The following RNF180 variants were observed in gnomAD, a reference collection of about 807,000 sequenced individuals.
RNF180 encodes the protein ring finger protein 180.
A neutral mutation model predicts 59.2 loss-of-function variants in RNF180; 38 were observed. The ratio of observed to expected loss-of-function variants is 0.64; its 90% CI spans 0.50 to 0.84. The LOEUF is 0.84. Among genes scored for constraint, RNF180 ranks in the 40% least tolerant of loss-of-function variants. The probability of loss-of-function intolerance (pLI) is 0.00; values close to 1 mark genes in which losing one functional copy is unlikely to be tolerated. For synonymous variants in RNF180, 262 were observed against 240.3 expected (o/e 1.09, Z -0.84); for missense variants, 705 against 700.9 (o/e 1.01, Z -0.07).
intron 2 of RNF180, 36 bp downstream of exon 2, chr5:64,200,978 T>G (rs1751711515): frequency 3.7e-5 from 59 of 1,594,296 alleles, no homozygotes; most frequent in Non-Finnish European, 4.8e-5. Context: ...AGTTTCCTGG[T>G]AGAGGAGTGC....
chr5:64,213,808 G>T lies in RNF180; in HGVS notation c.482G>T (p.Arg161Ile), dbSNP rs1752450341. 1.2e-6 allele frequency: 2 copies of T among 1,614,012 alleles called. No individual in the cohort carries two copies. Among genetic ancestry groups the T allele is most frequent in the Non-Finnish European group, 1.7e-6 (2 of 1,180,012 alleles). Residue 161 changes from arginine (R) to isoleucine (I), a missense_variant, in exon 4 of 8, where the codon AGA (arginine) becomes ATA (isoleucine). Arg to Ile is a moderately conservative substitution (Grantham distance 97). Transcript: ENST00000389100. ...ALLTGGGSEN[R>I]NHRLLNMARN... ...CTGACAGGTGGTGGCTCTGAAAACA[G>T]AAATCACAGGCTTTTAAACATGGCC...
chr5:64,263,306 T>A (rs181375263), intron 5 of RNF180, among the ~76,000 whole-genome samples: 2 of 152,318 alleles, frequency 1.3e-5, no homozygotes, highest in African/African-American at 2.4e-5. Flanking sequence ...AGCCCCAATT[T>A]GTAACACTTG....
At chr5:64,323,623 T>C (rs1334688673) in intron 5 of RNF180, among the ~76,000 whole-genome samples, 1 of 152,180 alleles carries the variant, frequency 6.6e-6, no homozygotes, top group Admixed American at 6.5e-5. Context: ...AAATGCTTGG[T>C]TTGAGAAAAA....
chr5:64,177,054 G>C (rs1430325725), intron 1 of RNF180, among the ~76,000 whole-genome samples: 1 of 152,146 alleles, frequency 6.6e-6, no homozygotes, highest in Non-Finnish European at 1.5e-5. Flanking sequence ...ATTTTGCTCA[G>C]ATCTCTGGTT....
chr5:64,335,844 A>G (rs78128134), intron 7 of RNF180, among the ~76,000 whole-genome samples: 3,894 of 152,240 alleles, frequency 0.026, 131 homozygotes, highest in African/African-American at 0.069. Flanking sequence ...AAATGTATAA[A>G]TCAATTTGGG....
chr5:64,227,604 C>T (rs1741847738), intron 5 of RNF180, among the ~76,000 whole-genome samples: 1 of 152,206 alleles, frequency 6.6e-6, no homozygotes, highest in African/African-American at 2.4e-5. Flanking sequence ...ACACCAAAGA[C>T]CAAACCCGAA....
chr5:64,180,654 C>T (rs1750521939), intron 1 of RNF180, among the ~76,000 whole-genome samples: 1 of 152,154 alleles, frequency 6.6e-6, no homozygotes, highest in East Asian at 1.9e-4. Flanking sequence ...ACCTGCATAC[C>T]CCACCCTTGC....
At chr5:64,325,471 GGTACTTTATAAATTA>G (rs1365038757) in intron 6 of RNF180, 60 bp downstream of exon 6, 24 of 1,195,734 alleles carry the variant, frequency 2.0e-5, no homozygotes, top group Non-Finnish European at 1.2e-5. Flanking sequence ...TAGTTCTAAA[GGTACTTTATAAATTA>G]AAAAGTTACT....
intron 5 of RNF180, among the ~76,000 whole-genome samples, chr5:64,243,578 GC>G (rs1355668162): frequency 6.6e-6 from 1 of 152,202 alleles, no homozygotes; most frequent in Non-Finnish European, 1.5e-5. Flanking sequence ...AAAGGCAGCA[GC>G]CCCAGTCATG....
rs1746658135 is a variant in RNF180, at chr5:64,371,499, G to A, written c.*1685G>A. ...TTTTAATTATGTATAAACTAAATAAGTATTATTATAGATACAGATCTCTCA... is the reference window on the plus strand; with the variant it reads ...TTTTAATTATGTATAAACTAAATAAATATTATTATAGATACAGATCTCTCA... On this transcript the variant is annotated 3_prime_UTR_variant, in exon 8 of 8. Transcript: ENST00000389100. 6.6e-6 allele frequency: 1 copy of A among 151,390 alleles called. No individual in the cohort carries two copies. The highest frequency in any genetic ancestry group is 2.4e-5 in the African/African-American group (1 of 41,336). The allele number at this position is 151,390 out of a possible 1,614,324, so 9.4% of individuals were successfully genotyped here. A position where few individuals can be genotyped will look rare whatever the true frequency, so the allele number is the denominator to read the frequency against.
At chr5:64,171,575 A>T (rs1038297125) in intron 1 of RNF180, among the ~76,000 whole-genome samples, 11 of 152,162 alleles carry the variant, frequency 7.2e-5, no homozygotes, top group African/African-American at 2.7e-4. Flanking sequence ...ACTTTCTTGG[A>T]TTATGAGTTT....
intron 2 of RNF180, among the ~76,000 whole-genome samples, chr5:64,203,412 A>G (rs1475668305): frequency 6.6e-6 from 1 of 152,144 alleles, no homozygotes; most frequent in Non-Finnish European, 1.5e-5. Context: ...TTGTGTAACC[A>G]CCACTACATT....
intron 5 of RNF180, 88 bp downstream of exon 5, chr5:64,217,484 C>A: frequency 7.6e-7 from 1 of 1,311,506 alleles, no homozygotes; most frequent in South Asian, 2.5e-5. Flanking sequence ...CAAAGACTTC[C>A]ATTTTCTGTG....
intron 5 of RNF180, among the ~76,000 whole-genome samples, chr5:64,321,738 G>A (rs938652556): frequency 2.0e-5 from 3 of 152,254 alleles, no homozygotes; most frequent in Admixed American, 2.0e-4. Context: ...GAAGGCTGGA[G>A]GCATCATGCT....
At position 64,367,894 on chromosome 5, in the gene RNF180, G is replaced by A. The variant is rs1201508178; in HGVS notation, c.1580-1721G>A. ...AAAGTAGAAAGCAGATAAGTAAAAA[G>A]CAAAAGATTAATAGGTTATCAGTCT... On this transcript the variant is annotated intron_variant, in intron 7 of 7. Transcript: ENST00000389100. Among the ~76,000 whole-genome samples, 4 of 151,584 alleles carry A rather than the reference G, an allele frequency of 2.6e-5. No individual in the cohort carries two copies. In the East Asian group the frequency reaches 7.8e-4, roughly 29 times the overall value.
chr5:64,225,651 TGAG>T (rs1406964678), intron 5 of RNF180, among the ~76,000 whole-genome samples: 1 of 130,182 alleles, frequency 7.7e-6, no homozygotes, highest in African/African-American at 3.0e-5. Context: ...GTCTGGGAAG[TGAG>T]GAGCGCCTCT....
intron 5 of RNF180, among the ~76,000 whole-genome samples, chr5:64,323,598 T>C (rs1280943617): frequency 6.6e-6 from 1 of 152,172 alleles, no homozygotes; most frequent in Non-Finnish European, 1.5e-5. Context: ...TGTTTTATAT[T>C]ATAAGCACTG....
chr5:64,232,426 G>A (rs1429252895), intron 5 of RNF180, among the ~76,000 whole-genome samples: 1 of 152,160 alleles, frequency 6.6e-6, no homozygotes, highest in Non-Finnish European at 1.5e-5. Context: ...GAGTGTAGTG[G>A]TGTGATCAGA....
chr5:64,165,988 G>A, intron 1 of RNF180, 35 bp downstream of exon 1: 1 of 152,996 alleles, frequency 6.5e-6, no homozygotes, highest in Non-Finnish European at 1.5e-5. Context: ...GGCGGGGCGC[G>A]GCGGCGGCGC....
Sources: gnomAD v4.1 joint callset for allele counts (sites outside exome capture counted in the v4.1 genomes callset) on GRCh38, gnomAD v4.1.1 for gene constraint, MANE v1.5 for transcripts, NCBI Gene and HGNC (gene_info 2026-07-23, HGNC 2026-07-21) for gene names.